The following FAM135A variants were observed in gnomAD, a reference collection of about 807,000 sequenced individuals.
FAM135A encodes the protein protein FAM135A.
Under a neutral mutation model 146.8 loss-of-function variants are expected in FAM135A, and 79 were observed. The ratio of observed to expected loss-of-function variants is 0.54; its 90% CI spans 0.45 to 0.65. The LOEUF is 0.65. FAM135A is among the 30% of genes least tolerant of loss of function. The pLI, the probability that FAM135A is intolerant of heterozygous loss-of-function variation, is 0.00. For missense variants in FAM135A, 1,623 were observed against 1,758.2 expected, an observed-to-expected ratio of 0.92 and a Z score of 1.38; for synonymous variants, 562 against 603.6, an observed-to-expected ratio of 0.93 and a Z score of 1.01.
chr6:70,447,212 T>A (rs930225168), intron 4 of FAM135A, among the ~76,000 whole-genome samples: 1 of 152,260 alleles, frequency 6.6e-6, no homozygotes, highest in Admixed American at 6.5e-5. Context: ...TATCAGTAAT[T>A]TGATTTACCC....
intron 16 of FAM135A, among the ~76,000 whole-genome samples, chr6:70,532,539 A>G (rs1796017090): frequency 6.6e-6 from 1 of 152,228 alleles, no homozygotes; most frequent in African/African-American, 2.4e-5. Context: ...GACACCATTT[A>G]TAGCTACTGT....
intron 5 of FAM135A, among the ~76,000 whole-genome samples, chr6:70,453,165 A>C (rs1184901488): frequency 6.6e-6 from 1 of 152,196 alleles, no homozygotes; most frequent in African/African-American, 2.4e-5. Context: ...ATGCTGTTTC[A>C]TTACATATAG....
At chr6:70,427,221 T>A (rs760837058) in intron 3 of FAM135A, among the ~76,000 whole-genome samples, 3 of 152,142 alleles carry the variant, frequency 2.0e-5, no homozygotes, top group Admixed American at 6.6e-5. Flanking sequence ...AATTATAACA[T>A]GTTCCCAGTG....
intron 7 of FAM135A, 25 bp downstream of exon 7, chr6:70,475,758 C>T: frequency 6.5e-7 from 1 of 1,539,850 alleles, no homozygotes; most frequent in Non-Finnish European, 8.9e-7. Flanking sequence ...AATTAAAAAA[C>T]CTTTAGGCAC....
intron 10 of FAM135A, among the ~76,000 whole-genome samples, chr6:70,483,257 A>C (rs1305558526): frequency 2.0e-5 from 3 of 152,210 alleles, no homozygotes; most frequent in Non-Finnish European, 4.4e-5. Context: ...AGTCAGTTCA[A>C]CTCACACTTC....
At chr6:70,486,214 C>G (rs772832673) in intron 10 of FAM135A, 1 of 1,613,790 alleles carries the variant, frequency 6.2e-7, no homozygotes, top group Non-Finnish European at 8.5e-7. Flanking sequence ...CAGAAGAAAA[C>G]AGCTACGAAC....
Position 70,413,705 on chromosome 6 carries a change from A to C in FAM135A, c.-220+3A>C. The C allele has an allele frequency of 9.7e-6, 6 of 618,524 alleles. No individual in the cohort carries two copies. Among genetic ancestry groups the C allele is most frequent in the South Asian group, 7.1e-5 (1 of 14,032 alleles). The allele number at this position is 618,524 out of a possible 1,614,324, so 38.3% of individuals were successfully genotyped here. A position where few individuals can be genotyped will look rare whatever the true frequency, so the allele number is the denominator to read the frequency against. ...GAAGAGGCCGAGCCGGGCGAGAGGTAACCCCCTTACTGTCCCCTCTGGCTC... is the reference window on the plus strand; with the variant it reads ...GAAGAGGCCGAGCCGGGCGAGAGGTCACCCCCTTACTGTCCCCTCTGGCTC... On this transcript the variant is annotated splice_donor_region_variant and intron_variant, in intron 1 of 21. Transcript: ENST00000418814.
At chr6:70,486,171 G>T (rs1355258413) in intron 10 of FAM135A, 2 of 1,613,592 alleles carry the variant, frequency 1.2e-6, no homozygotes, top group East Asian at 4.5e-5. Context: ...GACTAGCCAA[G>T]GCCAACATGC....
chr6:70,467,872 A>C (rs1165786274), intron 5 of FAM135A, among the ~76,000 whole-genome samples: 1 of 152,132 alleles, frequency 6.6e-6, no homozygotes, highest in African/African-American at 2.4e-5. Context: ...TTTTTAAAAA[A>C]ATTTTTCGTA....
At chr6:70,436,640 A>G (rs767775544) in intron 4 of FAM135A, among the ~76,000 whole-genome samples, 13 of 152,214 alleles carry the variant, frequency 8.5e-5, no homozygotes, top group African/African-American at 1.2e-4. Context: ...TGTGAAAATC[A>G]TAATTGCCAA....
At chr6:70,448,437 C>G (rs1292360215) in intron 4 of FAM135A, among the ~76,000 whole-genome samples, 1 of 152,172 alleles carries the variant, frequency 6.6e-6, no homozygotes, top group Non-Finnish European at 1.5e-5. Context: ...TTCTTACTCA[C>G]CACGGGGTTG....
intron 8 of FAM135A, 90 bp from the exon 9 acceptor site, chr6:70,480,811 T>C: frequency 7.5e-7 from 1 of 1,326,200 alleles, no homozygotes; most frequent in Non-Finnish European, 1.0e-6. Context: ...CCCTTGCTGT[T>C]CTATTCCTGT....
chr6:70,529,252 T>G (rs964516080), intron 16 of FAM135A, among the ~76,000 whole-genome samples: 2 of 151,918 alleles, frequency 1.3e-5, no homozygotes, highest in Admixed American at 1.3e-4. Context: ...TTATGACAGC[T>G]GTTTTGGTTA....
intron 12 of FAM135A, among the ~76,000 whole-genome samples, chr6:70,514,010 T>G (rs764290892): frequency 2.3e-4 from 35 of 151,912 alleles, no homozygotes; most frequent in Non-Finnish European, 4.7e-4. Context: ...GTCTTTATCT[T>G]GCTTAGGATT....
intron 12 of FAM135A, among the ~76,000 whole-genome samples, chr6:70,521,319 G>T (rs115152580): frequency 6.6e-6 from 1 of 151,986 alleles, no homozygotes; most frequent in Admixed American, 6.5e-5. Flanking sequence ...TTAAAGATGC[G>T]TTTTTTTCAT....
At chr6:70,518,203 T>C (rs936143357) in intron 12 of FAM135A, among the ~76,000 whole-genome samples, 1 of 152,222 alleles carries the variant, frequency 6.6e-6, no homozygotes, top group African/African-American at 2.4e-5. Flanking sequence ...GGGAAAAGAT[T>C]GAGTGTTCTG....
In FAM135A at chr6:70,464,789, C is replaced by CAAATA. The variant is rs1325477739; in HGVS notation, c.158-10621_158-10620insAAATA. 2.7e-5 allele frequency among the ~76,000 whole-genome samples: 4 copies of CAAATA among 146,790 alleles called. No individual in the cohort carries two copies. The East Asian group carries it at 7.9e-4, about 29-fold the overall frequency. On this transcript the variant is annotated intron_variant, in intron 5 of 21. Transcript: ENST00000418814. ...TCAAGCGATTCGCCCATCTCAGACT[C>CAAATA]CCAAGTAGCTGGGATTATAGGCATG...
intron 20 of FAM135A, among the ~76,000 whole-genome samples, chr6:70,544,824 G>A (rs185024128): frequency 9.9e-5 from 15 of 152,018 alleles, no homozygotes; most frequent in African/African-American, 3.6e-4. Flanking sequence ...GCTGAGGCAG[G>A]TGGATCACCT....
intron 18 of FAM135A, among the ~76,000 whole-genome samples, chr6:70,534,524 C>G (rs1430688485): frequency 2.0e-5 from 3 of 151,780 alleles, no homozygotes; most frequent in Non-Finnish European, 4.4e-5. Context: ...GTTACCCAGG[C>G]TGGTCTCGAA....
Sources: gnomAD v4.1 joint callset for allele counts (sites outside exome capture counted in the v4.1 genomes callset) on GRCh38, gnomAD v4.1.1 for gene constraint, MANE v1.5 for transcripts, NCBI Gene and HGNC (gene_info 2026-07-23, HGNC 2026-07-21) for gene names.